The following PRMT8 variants were observed in gnomAD, a reference collection of about 807,000 sequenced individuals.
PRMT8 encodes the protein protein arginine N-methyltransferase 8.
In PRMT8, 7 loss-of-function variants were observed where a neutral mutation model predicts 47.1. That is an observed-to-expected ratio of 0.15 (90% CI 0.08 to 0.28). The LOEUF (loss-of-function observed/expected upper bound fraction) is 0.28. Among genes scored for constraint, PRMT8 ranks in the 10% least tolerant of loss-of-function variants. PRMT8 has a pLI of 1.00. For missense variants in PRMT8, 237 were observed against 505.4 expected (o/e 0.47, Z 5.09); for synonymous variants, 188 against 186.5 (o/e 1.01, Z -0.07).
At chr12:3,408,509 T>A (rs1250283235) in intron 1 of PRMT8, among the ~76,000 whole-genome samples, 1 of 152,186 alleles carries the variant, frequency 6.6e-6, no homozygotes. Flanking sequence ...AGTGCTGGGA[T>A]TATAGGAGTG....
chr12:3,391,824 A>G (rs56014316), intron 1 of PRMT8, among the ~76,000 whole-genome samples: 9,651 of 152,262 alleles, frequency 0.063, 383 homozygotes, highest in East Asian at 0.11. Flanking sequence ...AAAATGCAGA[A>G]CCAGTGCAAA....
chr12:3,490,834 C>T (rs960425871), upstream of PRMT8, among the ~76,000 whole-genome samples: 1 of 151,974 alleles, frequency 6.6e-6, no homozygotes, highest in African/African-American at 2.4e-5. Context: ...GAGGAAGGAT[C>T]CAGGAACTGG....
intron 1 of PRMT8, among the ~76,000 whole-genome samples, chr12:3,460,643 C>T (rs1022741637): frequency 6.6e-6 from 1 of 152,066 alleles, no homozygotes; most frequent in African/African-American, 2.4e-5. Flanking sequence ...TAGTGTATTA[C>T]CCAATATTAT....
rs551185427 is a variant in PRMT8, at chr12:3,456,544, A to T, written c.48+75102A>T. 3.9e-5 allele frequency among the ~76,000 whole-genome samples: 6 copies of T among 152,160 alleles called. No individual in the cohort carries two copies. Among genetic ancestry groups the T allele is most frequent in the Non-Finnish European group, 7.3e-5 (5 of 68,030 alleles). Reference sequence around the variant, plus strand: ...GAGCGATCTGTTGTGCAGCCCGATCATCCCCCAATTCACCAACAGCCTTCT... The same window carrying T: ...GAGCGATCTGTTGTGCAGCCCGATCTTCCCCCAATTCACCAACAGCCTTCT... On this transcript the variant is annotated intron_variant, in intron 1 of 9. Coordinates refer to the PRMT8 transcript ENST00000452611. This position sits in a 1 kb window ranked among gnomAD's most constrained non-coding sequence, Gnocchi z 4.2.
chr12:3,442,477 C>A (rs886267022), intron 1 of PRMT8, among the ~76,000 whole-genome samples: 1 of 152,148 alleles, frequency 6.6e-6, no homozygotes, highest in Non-Finnish European at 1.5e-5. Context: ...TGATCTGTCA[C>A]CCCATGTGAA....
At chr12:3,419,790 A>C (rs1344042794) in intron 1 of PRMT8, among the ~76,000 whole-genome samples, 2 of 151,462 alleles carry the variant, frequency 1.3e-5, no homozygotes, top group Non-Finnish European at 2.9e-5. Flanking sequence ...AAGCCCAGAC[A>C]CCTCATCACA....
At chr12:3,565,205 A>T (rs1036750257) in intron 4 of PRMT8, among the ~76,000 whole-genome samples, 2 of 152,116 alleles carry the variant, frequency 1.3e-5, no homozygotes, top group African/African-American at 4.8e-5. Flanking sequence ...CTCAGTACAC[A>T]TTTGAAGAAC....
intron 6 of PRMT8, among the ~76,000 whole-genome samples, chr12:3,571,576 G>A (rs1318943335): frequency 6.6e-6 from 1 of 151,958 alleles, no homozygotes; most frequent in East Asian, 1.9e-4. Context: ...TGGAGATCAT[G>A]TGATTTCTTT....
rs775680634 is a variant in PRMT8, at chr12:3,491,617, C to T, written c.-9C>T. On this transcript the variant is annotated 5_prime_UTR_variant, in exon 1 of 10. Coordinates refer to ENST00000382622, the MANE Select transcript of PRMT8 (RefSeq NM_019854.5). ...CTATCTCGGTATCACCAAACCCTTGCCGGCTCTTATGGGCATGAAACACTC... is the reference window on the plus strand; with the variant it reads ...CTATCTCGGTATCACCAAACCCTTGTCGGCTCTTATGGGCATGAAACACTC... The T allele has an allele frequency of 4.3e-6, 7 of 1,612,030 alleles. No homozygotes were observed. Among genetic ancestry groups the T allele is most frequent in the Non-Finnish European group, 2.5e-6 (3 of 1,179,568 alleles).
At chr12:3,559,489 G>C (rs147320194) in intron 4 of PRMT8, among the ~76,000 whole-genome samples, 1 of 152,112 alleles carries the variant, frequency 6.6e-6, no homozygotes, top group African/African-American at 2.4e-5. Context: ...CTTTATTACT[G>C]TATCTATTTA....
chr12:3,552,461 C>G lies in PRMT8; in HGVS notation c.418-1190C>G. On this transcript the variant is annotated intron_variant, in intron 3 of 9. Transcript: ENST00000382622. This position sits in a 1 kb window ranked among gnomAD's most constrained non-coding sequence, Gnocchi z 4.5. The stretch of plus-strand genomic sequence containing the variant: ...GGAAGGGCAGTGGCCAGGCATAAAT[C>G]CAGGCCTGGCTCCGGGTCGCATGCT... 1 of 271,920 alleles carries G rather than the reference C, an allele frequency of 3.7e-6. No individual in the cohort carries two copies. The highest frequency in any genetic ancestry group is 7.4e-6 in the Non-Finnish European group (1 of 134,530). The allele number at this position is 271,920 out of a possible 1,614,324, so 16.8% of individuals were successfully genotyped here.
chr12:3,527,876 TTTACC>T lies in PRMT8; in HGVS notation c.76-12729_76-12725del, dbSNP rs367944733. Among the ~76,000 whole-genome samples the T allele has an allele frequency of 1.3e-3, 198 of 152,322 alleles. 1 individual carries two copies. The highest frequency in any genetic ancestry group is 4.7e-3 in the African/African-American group (194 of 41,578). ...TTTGTATGTCTCTAAAAGACTTTAC[TTTACC>T]GTCATTTCTGAAAGATATTTTCACT... On this transcript the variant is annotated intron_variant, in intron 1 of 9. Transcript: ENST00000382622.
rs1344681867 is a variant in PRMT8, at chr12:3,493,331, G to A, written c.75+1631G>A. ...TCCCCTCACCCTCCGCCCTCTGATCGCCCACCCGCCGAAAGGGTTTCTAAA... is the reference window on the plus strand; with the variant it reads ...TCCCCTCACCCTCCGCCCTCTGATCACCCACCCGCCGAAAGGGTTTCTAAA... On this transcript the variant is annotated intron_variant, in intron 1 of 9. Transcript: ENST00000382622. This position sits in a 1 kb window ranked among gnomAD's most constrained non-coding sequence, Gnocchi z 8.2. 2.0e-5 allele frequency among the ~76,000 whole-genome samples: 3 copies of A among 152,012 alleles called. No homozygotes were observed. The highest frequency in any genetic ancestry group is 7.3e-5 in the African/African-American group (3 of 41,370).
At chr12:3,413,972 C>T (rs924043708) in intron 1 of PRMT8, among the ~76,000 whole-genome samples, 3 of 152,042 alleles carry the variant, frequency 2.0e-5, no homozygotes, top group Non-Finnish European at 4.4e-5. Context: ...GGGACCAAAT[C>T]CCCCATAGAT....
intron 8 of PRMT8, among the ~76,000 whole-genome samples, chr12:3,587,322 TAATA>T (rs1433744404): frequency 1.3e-5 from 2 of 150,464 alleles, no homozygotes; most frequent in Admixed American, 6.6e-5. Flanking sequence ...CAAAATAAAT[TAATA>T]AATACTAATA....
At chr12:3,419,995 G>T (rs1273746691) in intron 1 of PRMT8, among the ~76,000 whole-genome samples, 2 of 120,492 alleles carry the variant, frequency 1.7e-5, no homozygotes, top group East Asian at 5.2e-4. Flanking sequence ...GGGGGAGAGG[G>T]GAGAGGGGGA....
At chr12:3,397,032 C>T (rs1047198769) in intron 1 of PRMT8, among the ~76,000 whole-genome samples, 12 of 151,980 alleles carry the variant, frequency 7.9e-5, no homozygotes, top group East Asian at 2.0e-4. Context: ...GCATTCTTCA[C>T]GTAGTTCTCG....
intron 1 of PRMT8, among the ~76,000 whole-genome samples, chr12:3,425,228 TGA>T (rs1864590867): frequency 6.6e-6 from 1 of 152,246 alleles, no homozygotes; most frequent in African/African-American, 2.4e-5. Context: ...TGTTAGCCAT[TGA>T]TGTCCTTTGG....
rs71534239 is a variant in PRMT8 at position 3,592,503 on chromosome 12, G to C, written c.1101+151G>C. The C allele has an allele frequency of 1.0e-3, 844 of 829,352 alleles. 3 individuals carry two copies. Among genetic ancestry groups the C allele is most frequent in the South Asian group, 2.8e-3 (147 of 52,058 alleles). 51.4% of individuals were successfully genotyped at this position (829,352 alleles called of 1,614,324 possible). On this transcript the variant is annotated intron_variant, in intron 9 of 9. Transcript: ENST00000382622. ...GGTAGCCACATGTGGACATGACTAGGCCTAATTGAGGGACTCAGGCTTGAC... is the reference window on the plus strand; with the variant it reads ...GGTAGCCACATGTGGACATGACTAGCCCTAATTGAGGGACTCAGGCTTGAC...
Sources: allele counts gnomAD v4.1 joint callset (sites outside exome capture counted in the v4.1 genomes callset), GRCh38; gene constraint gnomAD v4.1.1; non-coding constraint Gnocchi (gnomAD v3.1); transcripts MANE v1.5; gene names NCBI Gene and HGNC (gene_info 2026-07-23, HGNC 2026-07-21).